The following TNNT3 variants were observed in gnomAD, a reference collection of about 807,000 sequenced individuals.
The protein encoded by TNNT3 is troponin T3, fast skeletal type, also known as troponin T, fast skeletal muscle.
TNNT3 carries 36 observed loss-of-function variants against 54.2 expected under a neutral mutation model. The observed-to-expected ratio is 0.66, with a 90% CI of 0.51 to 0.88. The LOEUF is 0.88. Among genes scored for constraint, TNNT3 ranks in the 40% least tolerant of loss-of-function variants. The probability of loss-of-function intolerance (pLI) is 0.00; values close to 1 mark genes in which losing one functional copy is unlikely to be tolerated. For synonymous variants in TNNT3, 120 were observed against 109.7 expected, an observed-to-expected ratio of 1.09 and a Z score of -0.59; for missense variants, 291 against 331.6, an observed-to-expected ratio of 0.88 and a Z score of 0.95.
intron 5 of TNNT3, among the ~76,000 whole-genome samples, chr11:1,925,631 G>A (rs952750545): frequency 2.2e-4 from 33 of 152,292 alleles, no homozygotes; most frequent in East Asian, 3.9e-4. Context: ...TCCAGAGCCC[G>A]TGGTGGCGTC....
chr11:1,928,621 T>C (rs1451022997), intron 6 of TNNT3, among the ~76,000 whole-genome samples: 1 of 152,128 alleles, frequency 6.6e-6, no homozygotes, highest in Non-Finnish European at 1.5e-5. Flanking sequence ...TCCTGAGGCC[T>C]GAGGGCTGTA....
Position 1,936,956 on chromosome 11 carries a change from T to C in TNNT3, c.682-7T>C. 1 of 1,605,738 alleles carries C rather than the reference T, an allele frequency of 6.2e-7. No homozygotes were observed. Among genetic ancestry groups the C allele is most frequent in the East Asian group, 2.2e-5 (1 of 44,592 alleles). ...TCGTCGCAGTGAGTCACTCATGTTG[T>C]TCACAGATCACCACGCTCAGGAGCC... On this transcript the variant is annotated splice_polypyrimidine_tract_variant and splice_region_variant and intron_variant, in intron 14 of 15. Coordinates refer to ENST00000278317, the MANE Select transcript of TNNT3 (RefSeq NM_006757.4).
In TNNT3 at chr11:1,924,900, G is replaced by A; in HGVS notation, c.50-199G>A. 7 of 680,394 alleles carry A rather than the reference G, an allele frequency of 1.0e-5. No individual in the cohort carries two copies. The South Asian group carries it at 1.1e-4, about 11-fold the overall frequency. The allele number at this position is 680,394 out of a possible 1,614,324, so 42.1% of individuals were successfully genotyped here. On this transcript the variant is annotated intron_variant, in intron 4 of 15. Coordinates refer to ENST00000278317, the MANE Select transcript of TNNT3 (RefSeq NM_006757.4). ...GCTGACAGTGACCAGCTCTGCTGGT[G>A]GGAGTCCGTGCTCCCCGGGGCTGGC...
chr11:1,924,556 C>G (rs939431358), intron 4 of TNNT3, among the ~76,000 whole-genome samples: 6 of 152,242 alleles, frequency 3.9e-5, no homozygotes, highest in African/African-American at 1.4e-4. Context: ...TGGAAAGACT[C>G]ATTTCTGCGA....
intron 6 of TNNT3, among the ~76,000 whole-genome samples, chr11:1,928,687 T>A (rs1589937873): frequency 6.6e-6 from 1 of 151,860 alleles, no homozygotes; most frequent in African/African-American, 2.4e-5. Context: ...CAGGCAGGGG[T>A]CAGGCTCCGG....
In TNNT3 at chr11:1,933,714, C is replaced by G; in HGVS notation, c.172-7C>G. The G allele has an allele frequency of 6.2e-7, 1 of 1,611,224 alleles. No homozygotes were observed. On this transcript the variant is annotated splice_region_variant and splice_polypyrimidine_tract_variant and intron_variant, in intron 9 of 15. Transcript: ENST00000278317. ...GTGGGGCTCACACCCACTGCCCCTG[C>G]CCACAGGACATCCAGAAGAAGCGTC...
At chr11:1,920,512 T>A (rs1375928240) in intron 1 of TNNT3, among the ~76,000 whole-genome samples, 7 of 140,478 alleles carry the variant, frequency 5.0e-5, no homozygotes, top group Admixed American at 4.2e-4. Flanking sequence ...CCCTGACTTG[T>A]GCCGTCTGAT....
At chr11:1,936,415 G>A (rs1292691297) in intron 14 of TNNT3, among the ~76,000 whole-genome samples, 2 of 152,330 alleles carry the variant, frequency 1.3e-5, no homozygotes, top group East Asian at 3.9e-4. Context: ...GCAGCCGGGG[G>A]CTTCCCAGTG....
At chr11:1,923,188 G>A in intron 3 of TNNT3, 127 bp downstream of exon 3, 1 of 1,361,908 alleles carries the variant, frequency 7.3e-7, no homozygotes, top group Non-Finnish European at 1.0e-6. Context: ...TCCCATGGGT[G>A]GCTTCTGAGT....
chr11:1,935,897 C>A (rs1045059542), intron 14 of TNNT3, among the ~76,000 whole-genome samples: 1 of 152,140 alleles, frequency 6.6e-6, no homozygotes, highest in Non-Finnish European at 1.5e-5. Context: ...TCCCCTCCGA[C>A]AGAGGCAGGG....
chr11:1,920,277 C>A (rs1849791246), intron 1 of TNNT3, among the ~76,000 whole-genome samples: 1 of 152,178 alleles, frequency 6.6e-6, no homozygotes, highest in Admixed American at 6.5e-5. Flanking sequence ...AGGGCAGGGG[C>A]TCCTGTATGG....
At chr11:1,932,540 A>G (rs73413035) in intron 9 of TNNT3, 26 bp downstream of exon 9, 4 of 1,612,262 alleles carry the variant, frequency 2.5e-6, no homozygotes, top group East Asian at 2.2e-5. Context: ...TCTGGTTAAC[A>G]TGTCCACGGT....
At chr11:1,926,648 CCT>C (rs1465344684) in intron 5 of TNNT3, 45 bp from the exon 6 acceptor site, 3 of 1,612,564 alleles carry the variant, frequency 1.9e-6, no homozygotes, top group African/African-American at 1.3e-5. Flanking sequence ...TCACACTGGT[CCT>C]CTCTCTCTCC....
At chr11:1,933,348 C>T (rs904774717) in intron 9 of TNNT3, among the ~76,000 whole-genome samples, 1 of 152,158 alleles carries the variant, frequency 6.6e-6, no homozygotes, top group Admixed American at 6.6e-5. Context: ...TGTTCACATG[C>T]CTACCTATGT....
Position 1,926,704 on chromosome 11 carries a change from A to G in TNNT3, c.77A>G (p.Gln26Arg). 2 of 1,613,264 alleles carry G rather than the reference A, an allele frequency of 1.2e-6. No homozygotes were observed. Among genetic ancestry groups the G allele is most frequent in the Non-Finnish European group, 1.7e-6 (2 of 1,179,988 alleles). ...EEEAQEEEEVQEDTAEEDAEE... is the reference protein window; with the variant it reads ...EEEAQEEEEVREDTAEEDAEE... Reference sequence around the variant, plus strand: ...GACGCTGCTTCTGCAGAGGAAGTTCAAGAAGGTACGCCGGCGCTCCCCCGC... The same window carrying G: ...GACGCTGCTTCTGCAGAGGAAGTTCGAGAAGGTACGCCGGCGCTCCCCCGC... Residue 26 changes from glutamine (Q) to arginine (R), a missense_variant, in exon 6 of 16, where the codon CAA becomes CGA. By Grantham distance (43) the Gln-to-Arg change is conservative. Transcript: ENST00000278317.
chr11:1,925,790 C>T (rs1851419112), intron 5 of TNNT3, among the ~76,000 whole-genome samples: 1 of 152,294 alleles, frequency 6.6e-6, no homozygotes, highest in Middle Eastern at 3.4e-3. Context: ...CCCCTCACAG[C>T]CTTCTGCTAT....
At chr11:1,930,898 G>T (rs898575330) in intron 8 of TNNT3, among the ~76,000 whole-genome samples, 1 of 152,104 alleles carries the variant, frequency 6.6e-6, no homozygotes, top group Non-Finnish European at 1.5e-5. Flanking sequence ...AAAGTCAAAT[G>T]AAGAAAAAAC....
intron 10 of TNNT3, 34 bp downstream of exon 10, chr11:1,933,871 G>A (rs757524560): frequency 6.2e-7 from 1 of 1,612,004 alleles, no homozygotes. Context: ...AGCAGGGGCT[G>A]GTGGACTCCC....
chr11:1,929,197 G>A (rs1006773728), intron 7 of TNNT3, 54 bp downstream of exon 7: 69 of 1,597,566 alleles, frequency 4.3e-5, no homozygotes, highest in Non-Finnish European at 2.1e-5. Context: ...TAGCCGACGC[G>A]AGGGAAAGAG....
Sources: gnomAD v4.1 joint callset for allele counts (sites outside exome capture counted in the v4.1 genomes callset) on GRCh38, gnomAD v4.1.1 for gene constraint, MANE v1.5 for transcripts, NCBI Gene and HGNC (gene_info 2026-07-23, HGNC 2026-07-21) for gene names.